The following TENM2 variants were observed in gnomAD, a reference collection of about 807,000 sequenced individuals.
TENM2 encodes teneurin transmembrane protein 2, also known as teneurin-2.
A neutral mutation model predicts 245.2 loss-of-function variants in TENM2; 52 were observed. The observed-to-expected ratio is 0.21, with a 90% CI of 0.17 to 0.27. The LOEUF is 0.27. Ranked by LOEUF, TENM2 falls within the 10% of genes least tolerant of loss-of-function variation. TENM2 has a pLI of 1.00. For missense variants in TENM2, 3,046 were observed against 3,666.8 expected (o/e 0.83, Z 4.37); for synonymous variants, 1,363 against 1,438.9 (o/e 0.95, Z 1.19).
At chr5:167,741,048 C>T (rs1470557228) in intron 2 of TENM2, among the ~76,000 whole-genome samples, 3 of 152,342 alleles carry the variant, frequency 2.0e-5, no homozygotes, top group Admixed American at 1.3e-4. Context: ...CACTCTTTCC[C>T]TATAGCTGCG....
At chr5:167,581,012 A>G (rs1300359321) in intron 2 of TENM2, among the ~76,000 whole-genome samples, 1 of 152,182 alleles carries the variant, frequency 6.6e-6, no homozygotes, top group South Asian at 2.1e-4. Flanking sequence ...AACGGGAACC[A>G]AAAAAGAAAA....
the TENM2 span, among the ~76,000 whole-genome samples, chr5:167,071,878 G>GCCCC: frequency 1.6e-4 from 20 of 124,106 alleles, no homozygotes; most frequent in South Asian, 5.9e-4. Context: ...TTGACAAATC[G>GCCCC]CCCCCCCCCG....
intron 2 of TENM2, among the ~76,000 whole-genome samples, chr5:167,778,425 G>A (rs1048024343): frequency 6.6e-6 from 1 of 152,180 alleles, no homozygotes; most frequent in African/African-American, 2.4e-5. Flanking sequence ...GACAAATACA[G>A]AGCATGGCTT....
intron 1 of TENM2, among the ~76,000 whole-genome samples, chr5:167,357,305 T>TC (rs1433506143): frequency 6.6e-6 from 1 of 151,000 alleles, no homozygotes; most frequent in African/African-American, 2.4e-5. Context: ...CCTTTCTTTT[T>TC]TTTTTTTTTT....
intron 2 of TENM2, among the ~76,000 whole-genome samples, chr5:167,751,017 T>G (rs969951849): frequency 6.6e-6 from 1 of 152,114 alleles, no homozygotes; most frequent in Non-Finnish European, 1.5e-5. Flanking sequence ...GTAAACTGAT[T>G]AGTAGAAGGT....
At chr5:167,255,812 GT>G in the TENM2 span, among the ~76,000 whole-genome samples, 1 of 152,144 alleles carries the variant, frequency 6.6e-6, no homozygotes, top group Admixed American at 6.6e-5. Context: ...GTGTTTGAAA[GT>G]TGGGGTTTGG....
At chr5:167,525,735 G>T (rs902010330) in intron 2 of TENM2, among the ~76,000 whole-genome samples, 1 of 152,058 alleles carries the variant, frequency 6.6e-6, no homozygotes, top group Non-Finnish European at 1.5e-5. Flanking sequence ...CAGATCAGGA[G>T]CTCTATGGTA....
intron 9 of TENM2, among the ~76,000 whole-genome samples, chr5:168,115,359 GGGAAGGAAGGAAGGAA>G (rs55973990): frequency 1.1e-4 from 8 of 71,598 alleles, no homozygotes; most frequent in Non-Finnish European, 1.5e-4. Context: ...AGGGAAGGAA[GGGAAGGAAGGAAGGAA>G]GGAAGGAAGG....
intron 13 of TENM2, among the ~76,000 whole-genome samples, chr5:168,166,699 C>T (rs191118129): frequency 6.6e-6 from 1 of 152,270 alleles, no homozygotes; most frequent in East Asian, 1.9e-4. Context: ...CTGTCCTAAG[C>T]CATCCATTCT....
Position 167,885,602 on chromosome 5 carries a change from A to G in TENM2, c.712+9407A>G, listed in dbSNP as rs1435100567. Among the ~76,000 whole-genome samples the G allele has an allele frequency of 2.0e-5, 3 of 152,196 alleles. No homozygotes were observed. The East Asian group carries it at 5.8e-4, about 29-fold the overall frequency. On this transcript the variant is annotated intron_variant, in intron 3 of 28. Transcript: ENST00000518659. Reference sequence around the variant, plus strand: ...GAAGACCACACCATGATCTTGCCCCAATACAGACAAAACCAAAGTCACTGT... The same window carrying G: ...GAAGACCACACCATGATCTTGCCCCGATACAGACAAAACCAAAGTCACTGT...
chr5:167,652,118 G>T (rs909682676), intron 2 of TENM2, among the ~76,000 whole-genome samples: 3 of 152,088 alleles, frequency 2.0e-5, no homozygotes, highest in African/African-American at 7.2e-5. Context: ...TGTTGTAAAG[G>T]TCTAGACAGA....
At chr5:167,565,631 T>C (rs1174683499) in intron 2 of TENM2, among the ~76,000 whole-genome samples, 8 of 152,192 alleles carry the variant, frequency 5.3e-5, no homozygotes, top group Non-Finnish European at 7.3e-5. Flanking sequence ...TATGCTAATG[T>C]TTTTTGTTTA....
chr5:168,095,864 G>A (rs141903462), intron 8 of TENM2, among the ~76,000 whole-genome samples: 6 of 152,270 alleles, frequency 3.9e-5, no homozygotes, highest in Non-Finnish European at 7.4e-5. Context: ...TTATTACTCA[G>A]AGCAATGCAA....
chr5:167,897,761 TATACAG>T (rs1325299730), intron 3 of TENM2, among the ~76,000 whole-genome samples: 1 of 152,104 alleles, frequency 6.6e-6, no homozygotes, highest in Non-Finnish European at 1.5e-5. Context: ...AGAAGAAAGA[TATACAG>T]ATATATAGAT....
At chr5:167,622,139 T>C (rs1582569854) in intron 2 of TENM2, among the ~76,000 whole-genome samples, 1 of 152,166 alleles carries the variant, frequency 6.6e-6, no homozygotes, top group Non-Finnish European at 1.5e-5. Context: ...GCAAAGTGAG[T>C]GAAATTAGGA....
intron 2 of TENM2, among the ~76,000 whole-genome samples, chr5:167,826,687 C>T (rs914623841): frequency 2.0e-5 from 3 of 152,064 alleles, no homozygotes; most frequent in Non-Finnish European, 4.4e-5. Flanking sequence ...GCAGTGTGGC[C>T]AAAGGTTAAG....
chr5:167,230,320 G>T, the TENM2 span, among the ~76,000 whole-genome samples: 1 of 152,148 alleles, frequency 6.6e-6, no homozygotes, highest in Non-Finnish European at 1.5e-5. Context: ...CCCTGCAATG[G>T]GGGCCTTTCC....
intron 2 of TENM2, among the ~76,000 whole-genome samples, chr5:167,811,692 G>T (rs998079602): frequency 3.3e-5 from 5 of 152,116 alleles, no homozygotes; most frequent in Non-Finnish European, 7.4e-5. Context: ...TATGCTGGAG[G>T]TTGCAGTTTT....
chr5:166,982,795 G>C, the TENM2 span, among the ~76,000 whole-genome samples: 1 of 151,644 alleles, frequency 6.6e-6, no homozygotes, highest in Non-Finnish European at 1.5e-5. Flanking sequence ...TTTTTTTGGG[G>C]GGGGGAGGAG....
Sources: gnomAD v4.1 joint callset for allele counts (sites outside exome capture counted in the v4.1 genomes callset) on GRCh38, gnomAD v4.1.1 for gene constraint, MANE v1.5 for transcripts, NCBI Gene and HGNC (gene_info 2026-07-23, HGNC 2026-07-21) for gene names.